LYST: variants seen among roughly 807,000 people sequenced by gnomAD.
LYST encodes the protein lysosomal-trafficking regulator.
LYST carries 192 observed loss-of-function variants against 413.6 expected under a neutral mutation model. That is an observed-to-expected ratio of 0.46 (90% CI 0.41 to 0.52). The LOEUF is 0.52. Ranked by LOEUF, LYST falls within the 20% of genes least tolerant of loss-of-function variation. The pLI is 0.00. For synonymous variants in LYST, 1,525 were observed against 1,567.3 expected, an observed-to-expected ratio of 0.97 and a Z score of 0.64; for missense variants, 3,815 against 4,499.9, an observed-to-expected ratio of 0.85 and a Z score of 4.35.
chr1:235,670,351 G>T (rs1222243672), intron 50 of LYST, among the ~76,000 whole-genome samples: 2 of 152,202 alleles, frequency 1.3e-5, no homozygotes, highest in Admixed American at 1.3e-4. Context: ...ACGGATGCAG[G>T]CAGCACCCTT....
intron 3 of LYST, among the ~76,000 whole-genome samples, chr1:235,820,194 T>C (rs1426857200): frequency 1.3e-5 from 2 of 151,996 alleles, no homozygotes; most frequent in East Asian, 3.8e-4. Context: ...TGGGAGTAAA[T>C]GGGCAAGTGA....
intron 19 of LYST, among the ~76,000 whole-genome samples, chr1:235,771,311 G>GT (rs1668647468): frequency 6.6e-6 from 1 of 152,038 alleles, no homozygotes; most frequent in Non-Finnish European, 1.5e-5. Context: ...AATTAATTAC[G>GT]TAAGAAAATC....
chr1:235,793,239 T>C (rs1435015208), intron 11 of LYST, among the ~76,000 whole-genome samples: 1 of 152,194 alleles, frequency 6.6e-6, no homozygotes, highest in Non-Finnish European at 1.5e-5. Flanking sequence ...TCAGCTTTTC[T>C]GAAGCACAAA....
In LYST at chr1:235,763,905, C is replaced by T. The variant is rs1004071431; in HGVS notation, c.6122-1054G>A. Among the ~76,000 whole-genome samples the T allele has an allele frequency of 4.1e-4, 62 of 152,142 alleles. 3 individuals carry two copies. The highest frequency in any genetic ancestry group is 4.4e-5 in the Non-Finnish European group (3 of 68,026). ...CATTACTCTCAAATCCTCACAGCTA[C>T]CAGAATTCGCTCTCTCTCGAATGTC... On this transcript the variant is annotated intron_variant, in intron 21 of 52. Transcript: ENST00000389793.
chr1:235,743,937 C>T, intron 30 of LYST, 42 bp downstream of exon 30: 1 of 1,070,996 alleles, frequency 9.3e-7, no homozygotes, highest in Non-Finnish European at 1.5e-6. Flanking sequence ...CCTCTATTTC[C>T]TTTGTGTGAA....
At chr1:235,693,252 C>G (rs1015373669) in intron 47 of LYST, 98 bp downstream of exon 47, 25 of 893,102 alleles carry the variant, frequency 2.8e-5, no homozygotes, top group Non-Finnish European at 4.4e-5. Flanking sequence ...GGAGGTGGAG[C>G]TTGCAGTGAG....
Position 235,809,402 on chromosome 1 carries a change from T to G in LYST, c.1416A>C (p.Leu472=). The stretch of plus-strand genomic sequence containing the variant: ...TCATTATTTTCATCACACTATTTAT[T>G]AGGGCTTTCAAATGCTCTGAGGCCT... The part of the protein sequence containing the change: ...PPEASEHLKA[L]INSVMKIMST... Residue 472 remains leucine (L), a synonymous_variant, in exon 5 of 53, where the codon CTA becomes CTC. Coordinates refer to ENST00000389793, the MANE Select transcript of LYST (RefSeq NM_000081.4). This position sits in a 1 kb window ranked among gnomAD's most constrained non-coding sequence, Gnocchi z 4.0. 1 of 1,614,058 alleles carries G rather than the reference T, an allele frequency of 6.2e-7. No individual in the cohort carries two copies. The highest frequency in any genetic ancestry group is 8.5e-7 in the Non-Finnish European group (1 of 1,179,998).
intron 1 of LYST, among the ~76,000 whole-genome samples, chr1:235,863,577 C>A (rs970052725): frequency 7.3e-5 from 11 of 151,312 alleles, no homozygotes; most frequent in African/African-American, 2.7e-4. Flanking sequence ...TCTGAAATTC[C>A]AGACTATATG....
chr1:235,766,273 T>C lies in LYST; in HGVS notation c.5927A>G (p.Tyr1976Cys). The change falls in exon 21 of 53, where the codon TAC becomes TGC. Residue 1976 changes from tyrosine to cysteine, a missense_variant. By Grantham distance (194) the Tyr-to-Cys change is radical. This residue lies in a region of LYST where 530 missense variants were observed against 696.5 expected (regional missense o/e 0.76). Coordinates refer to ENST00000389793, the MANE Select transcript of LYST (RefSeq NM_000081.4). ...CATGGGTGTGAGTTGCCCCTCTTTG[T>C]ATTCCTGAAAAAATAAAAAAAACTC... ...FLLTCQVLQE[Y>C]KEGQLTPMPR... 7.5e-6 allele frequency: 12 copies of C among 1,598,002 alleles called. No individual in the cohort carries two copies. The highest frequency in any genetic ancestry group is 1.0e-5 in the Non-Finnish European group (12 of 1,174,538).
intron 45 of LYST, among the ~76,000 whole-genome samples, chr1:235,698,656 A>G (rs545860213): frequency 2.6e-5 from 4 of 152,166 alleles, no homozygotes; most frequent in South Asian, 2.1e-4. Context: ...CGGATCATGA[A>G]GTCAGGAGAT....
At chr1:235,726,501 G>C (rs895153235) in intron 38 of LYST, among the ~76,000 whole-genome samples, 1 of 151,910 alleles carries the variant, frequency 6.6e-6, no homozygotes, top group Non-Finnish European at 1.5e-5. Flanking sequence ...AAATACATCT[G>C]TATGGGTCAA....
upstream of LYST, among the ~76,000 whole-genome samples, chr1:235,870,925 T>C (rs1680896330): frequency 6.6e-6 from 1 of 152,194 alleles, no homozygotes; most frequent in Admixed American, 6.5e-5. Context: ...GGAACAGAAA[T>C]GGATTTGTGA....
intron 16 of LYST, among the ~76,000 whole-genome samples, chr1:235,780,591 G>GA (rs1337063749): frequency 1.1e-4 from 16 of 151,764 alleles, no homozygotes; most frequent in African/African-American, 3.9e-4. Flanking sequence ...CATTTTTCCT[G>GA]AATAATTAGT....
chr1:235,697,788 G>A (rs1661223304), intron 45 of LYST, among the ~76,000 whole-genome samples: 1 of 152,200 alleles, frequency 6.6e-6, no homozygotes, highest in African/African-American at 2.4e-5. Context: ...ATGAGTGAAA[G>A]GGAAAGTGTT....
rs1021673028 is a variant in LYST, at chr1:235,753,068, G to A, written c.7436C>T (p.Ala2479Val). The A allele has an allele frequency of 1.3e-6, 2 of 1,570,760 alleles. No individual in the cohort carries two copies. The highest frequency in any genetic ancestry group is 3.3e-5 in the Admixed American group (2 of 59,898). Residue 2479 changes from alanine (A) to valine (V), a missense_variant, in exon 26 of 53, where the codon GCA becomes GTA. By Grantham distance (64) the Ala-to-Val change is moderately conservative (BLOSUM62 0). Around this residue, in one of 4 missense-constraint regions of LYST, gnomAD observed 771 missense variants for 837.1 expected, o/e 0.92. Coordinates refer to ENST00000389793, the MANE Select transcript of LYST (RefSeq NM_000081.4). Reference protein sequence around the residue: ...GLLYVLCNTVAALNGLEKNIP... With the variant: ...GLLYVLCNTVVALNGLEKNIP... ...CTTCTTTTCTAATCCATTCAGGGCT[G>A]CTACTGTATTACATAACACATAGAG... is the stretch of plus-strand genomic sequence containing the variant.
At chr1:235,789,688 G>A (rs981037203) in intron 12 of LYST, among the ~76,000 whole-genome samples, 4 of 152,086 alleles carry the variant, frequency 2.6e-5, no homozygotes, top group Admixed American at 6.5e-5. Context: ...TCCCTGTAGC[G>A]ATGACAATAG....
At chr1:235,787,121 G>T in intron 14 of LYST, 79 bp downstream of exon 14, 1 of 1,108,860 alleles carries the variant, frequency 9.0e-7, no homozygotes, top group Non-Finnish European at 1.4e-6. Context: ...TCTGTATTCT[G>T]TTTCAGAAGC....
At position 235,664,116 on chromosome 1, in the gene LYST, C is replaced by T. The variant is rs1658243598; in HGVS notation, c.11196-61G>A. The stretch of plus-strand genomic sequence containing the variant: ...AAAATTACTCTCCCTAAAAAGCCCT[C>T]TATATTTGTTTATTTGTTAAAAATC... On this transcript the variant is annotated intron_variant, in intron 51 of 52. Transcript: ENST00000389793. This position sits in a 1 kb window ranked among gnomAD's most constrained non-coding sequence, Gnocchi z 4.5. 3.2e-6 allele frequency: 4 copies of T among 1,237,430 alleles called. No homozygotes were observed. The East Asian group carries it at 9.3e-5, about 29-fold the overall frequency. 76.7% of individuals were successfully genotyped at this position (1,237,430 alleles called of 1,614,324 possible). A position where few individuals can be genotyped will look rare whatever the true frequency, so the allele number is the denominator to read the frequency against.
rs376134468 is a variant in LYST, at chr1:235,805,999, T to A, written c.3137A>T (p.Asp1046Val). The part of the protein sequence containing the change: ...EDLLSLAIKS[D>V]PIPSELGSLK... ...ACTACCTAGTTCTGATGGTATGGGGTCACTTTTTATAGCCAAAGATAATAA... is the reference window on the plus strand; with the variant it reads ...ACTACCTAGTTCTGATGGTATGGGGACACTTTTTATAGCCAAAGATAATAA... The change falls in exon 6 of 53, where the codon GAC (aspartate) becomes GTC (valine). Residue 1046 changes from aspartate (D) to valine (V), a missense_variant. By Grantham distance (152) the Asp-to-Val change is radical. Around this residue, in one of 4 missense-constraint regions of LYST, gnomAD observed 1,648 missense variants for 1,810.3 expected, o/e 0.91. Transcript: ENST00000389793. 1.2e-6 allele frequency: 2 copies of A among 1,613,926 alleles called. No homozygotes were observed. The highest frequency in any genetic ancestry group is 3.3e-5 in the Admixed American group (2 of 59,994).
Sources: allele counts gnomAD v4.1 joint callset (sites outside exome capture counted in the v4.1 genomes callset), GRCh38; gene constraint gnomAD v4.1.1; regional missense constraint gnomAD v4.1.1; non-coding constraint Gnocchi (gnomAD v3.1); transcripts MANE v1.5; gene names NCBI Gene and HGNC (gene_info 2026-07-23, HGNC 2026-07-21).